Variants in RNF175 observed in about 807,000 individuals in gnomAD.
RNF175 encodes the protein ring finger protein 175.
A neutral mutation model predicts 50.0 loss-of-function variants in RNF175; 38 were observed. The observed-to-expected ratio is 0.76, with a 90% CI of 0.59 to 1.00. The LOEUF (loss-of-function observed/expected upper bound fraction) is 1.00, where lower values mean the gene tolerates loss of function less well. Among genes scored for constraint, RNF175 ranks in the 50% least tolerant of loss-of-function variants. The pLI is 0.00. For missense variants in RNF175, 388 were observed against 409.6 expected (o/e 0.95, Z 0.46); for synonymous variants, 155 against 146.1 (o/e 1.06, Z -0.44).
intron 2 of RNF175, among the ~76,000 whole-genome samples, chr4:153,749,200 T>G (rs1740158243): frequency 6.6e-6 from 1 of 152,230 alleles, no homozygotes; most frequent in Non-Finnish European, 1.5e-5. Flanking sequence ...TGAGCCTCAG[T>G]TTCCTCATTT....
At position 153,748,793 on chromosome 4, in the gene RNF175, C is replaced by T. The variant is rs17030413; in HGVS notation, c.105-7G>A. On this transcript the variant is annotated splice_region_variant and splice_polypyrimidine_tract_variant and intron_variant, in intron 2 of 8. Coordinates refer to ENST00000347063, the MANE Select transcript of RNF175 (RefSeq NM_173662.4). ...CATCCTCTCCTGCTGCAGGCTGGAA[C>T]CAGCAAAATGAGGTCATCTGAAAAA... 0.012 allele frequency: 19,300 copies of T among 1,609,878 alleles called. 439 individuals carry two copies. Among genetic ancestry groups the T allele is most frequent in the African/African-American group, 0.089 (6,665 of 74,824 alleles).
intron 6 of RNF175, among the ~76,000 whole-genome samples, chr4:153,717,025 G>A (rs1737976044): frequency 6.6e-6 from 1 of 152,162 alleles, no homozygotes; most frequent in African/African-American, 2.4e-5. Context: ...ACCTCGTTAA[G>A]GGAGGAGAAT....
At position 153,748,734 on chromosome 4, in the gene RNF175, C is replaced by T. The variant is rs34803482; in HGVS notation, c.157G>A (p.Val53Met). The T allele has an allele frequency of 6.8e-6, 11 of 1,611,274 alleles. No individual in the cohort carries two copies. Among genetic ancestry groups the T allele is most frequent in the Admixed American group, 6.7e-5 (4 of 59,742 alleles). The stretch of plus-strand genomic sequence containing the variant: ...CAGAGGAAGATCAAGATCATTTCCA[C>T]GTGCATGGAATCGTGGCCCCGGTGC... The part of the protein sequence containing the change: ...KMHRGHDSMH[V>M]EMILIFLCVL... Residue 53 changes from valine (V) to methionine (M), a missense_variant, in exon 3 of 9, where the codon GTG becomes ATG. Transcript: ENST00000347063.
At chr4:153,747,901 C>G (rs1052068502) in intron 3 of RNF175, among the ~76,000 whole-genome samples, 1 of 152,236 alleles carries the variant, frequency 6.6e-6, no homozygotes, top group African/African-American at 2.4e-5. Flanking sequence ...TGTATTGCCT[C>G]ATGGTCTGGA....
chr4:153,723,962 C>T (rs1738511507), intron 4 of RNF175, among the ~76,000 whole-genome samples: 1 of 152,112 alleles, frequency 6.6e-6, no homozygotes, highest in African/African-American at 2.4e-5. Context: ...CAGTAGTGGG[C>T]CCAGCCCTCA....
At chr4:153,718,326 G>A (rs996424011) in intron 6 of RNF175, among the ~76,000 whole-genome samples, 2 of 148,320 alleles carry the variant, frequency 1.3e-5, no homozygotes, top group South Asian at 2.2e-4. Flanking sequence ...GCACTGATAC[G>A]GGAATGGAGA....
At chr4:153,715,754 A>C in intron 6 of RNF175, 92 bp from the exon 7 acceptor site, 3 of 1,353,902 alleles carry the variant, frequency 2.2e-6, no homozygotes, top group East Asian at 4.7e-5. Context: ...TGGGACAGGC[A>C]GCCCTTGGCA....
At chr4:153,742,379 G>T (rs1739716787) in intron 3 of RNF175, among the ~76,000 whole-genome samples, 1 of 152,026 alleles carries the variant, frequency 6.6e-6, no homozygotes, top group African/African-American at 2.4e-5. Context: ...CCTCATAGAG[G>T]ATGTAAATCA....
At chr4:153,716,310 C>G (rs865833968) in intron 6 of RNF175, among the ~76,000 whole-genome samples, 5 of 152,126 alleles carry the variant, frequency 3.3e-5, no homozygotes, top group Admixed American at 1.3e-4. Flanking sequence ...TCAGAGGAAG[C>G]CTTTGAGTTT....
At chr4:153,751,380 G>A (rs1055353880) in intron 2 of RNF175, 58 bp downstream of exon 2, 25 of 1,192,378 alleles carry the variant, frequency 2.1e-5, no homozygotes, top group Non-Finnish European at 2.9e-5. Flanking sequence ...TTTCTCAACT[G>A]TTAAGATAAA....
chr4:153,712,689 G>A (rs1737670436), intron 7 of RNF175, 113 bp from the exon 8 acceptor site: 3 of 713,640 alleles, frequency 4.2e-6, no homozygotes, highest in South Asian at 3.2e-5. Flanking sequence ...ACTTGATGAG[G>A]CACATCGCTT....
chr4:153,716,163 G>A (rs1737916957), intron 6 of RNF175, among the ~76,000 whole-genome samples: 1 of 151,944 alleles, frequency 6.6e-6, no homozygotes, highest in Non-Finnish European at 1.5e-5. Context: ...GAGGGGTTAA[G>A]GTTTCCAGGC....
In RNF175 at chr4:153,730,326, C is replaced by A. The variant is rs779118915; in HGVS notation, c.247-1965G>T. On this transcript the variant is annotated intron_variant, in intron 3 of 8. Coordinates refer to ENST00000347063, the MANE Select transcript of RNF175 (RefSeq NM_173662.4). ...TGGTATGTGCCTGTAGTCCCAGCTA[C>A]TCAGAAGGCTGAGGTGGGAGGACCA... 8.3e-4 allele frequency among the ~76,000 whole-genome samples: 126 copies of A among 152,056 alleles called. 1 individual carries two copies. Among genetic ancestry groups the A allele is most frequent in the Non-Finnish European group, 1.6e-3 (110 of 68,024 alleles).
chr4:153,742,315 T>C (rs987829389), intron 3 of RNF175, among the ~76,000 whole-genome samples: 3 of 139,148 alleles, frequency 2.2e-5, no homozygotes, highest in East Asian at 4.2e-4. Flanking sequence ...TAGAAGGGGG[T>C]GGCAAGGCAG....
chr4:153,723,318 G>T (rs369190071), intron 5 of RNF175, 33 bp downstream of exon 5: 6 of 1,060,946 alleles, frequency 5.7e-6, no homozygotes, highest in South Asian at 5.2e-5. Flanking sequence ...GCAAGTGCTT[G>T]GAGATATTAA....
At chr4:153,728,094 C>T (rs886437406) in intron 4 of RNF175, 113 bp downstream of exon 4, 5 of 642,006 alleles carry the variant, frequency 7.8e-6, no homozygotes, top group African/African-American at 1.9e-5. Context: ...GTAAAAGACA[C>T]GTAAAAGAAA....
In RNF175 at chr4:153,760,013, G is replaced by C. The variant is rs1435696335; in HGVS notation, c.-151C>G. On this transcript the variant is annotated 5_prime_UTR_variant, in exon 1 of 9. Transcript: ENST00000347063. Reference sequence around the variant, plus strand: ...AGCGGCGGCCCTGCCCGGGTTGTGCGGGGCGGGAGATGGGAGCCTCCCGGC... The same window carrying C: ...AGCGGCGGCCCTGCCCGGGTTGTGCCGGGCGGGAGATGGGAGCCTCCCGGC... 1.9e-5 allele frequency: 8 copies of C among 431,264 alleles called. No individual in the cohort carries two copies. The highest frequency in any genetic ancestry group is 4.5e-5 in the Admixed American group (1 of 22,268). 26.7% of individuals were successfully genotyped at this position (431,264 alleles called of 1,614,324 possible). A position where few individuals can be genotyped will look rare whatever the true frequency, so the allele number is the denominator to read the frequency against.
chr4:153,712,168 C>T (rs1348502743), intron 8 of RNF175, among the ~76,000 whole-genome samples: 5 of 152,206 alleles, frequency 3.3e-5, no homozygotes, highest in Non-Finnish European at 5.9e-5. Context: ...ATCCATCCAT[C>T]CTGAATATTC....
intron 3 of RNF175, among the ~76,000 whole-genome samples, chr4:153,748,034 T>G (rs1345590424): frequency 6.6e-6 from 1 of 152,228 alleles, no homozygotes; most frequent in Non-Finnish European, 1.5e-5. Flanking sequence ...ATTCATGTTT[T>G]TATAATAAAC....
Sources: allele counts gnomAD v4.1 joint callset (sites outside exome capture counted in the v4.1 genomes callset), GRCh38; gene constraint gnomAD v4.1.1; transcripts MANE v1.5; gene names NCBI Gene and HGNC (gene_info 2026-07-23, HGNC 2026-07-21).